Variants in RNLS observed in about 807,000 individuals in gnomAD.
RNLS encodes the protein renalase, FAD dependent amine oxidase, also known as renalase.
RNLS carries 39 observed loss-of-function variants against 39.8 expected under a neutral mutation model. The observed-to-expected ratio is 0.98, with a 90% CI of 0.76 to 1.28. The LOEUF (loss-of-function observed/expected upper bound fraction) is 1.28. Among genes scored for constraint, RNLS ranks in the 50% most tolerant of loss-of-function variants. The pLI is 0.00. For synonymous variants in RNLS, 147 were observed against 150.7 expected, an observed-to-expected ratio of 0.98 and a Z score of 0.18; for missense variants, 410 against 413.3, an observed-to-expected ratio of 0.99 and a Z score of 0.07.
intron 4 of RNLS, among the ~76,000 whole-genome samples, chr10:88,499,160 T>C (rs2077890): frequency 0.47 from 71,348 of 151,988 alleles, 17,488 homozygotes; most frequent in East Asian, 0.57. Flanking sequence ...GAGTCCATTG[T>C]TGCTCACAAA....
At chr10:88,552,372 T>G (rs1848642169) in intron 4 of RNLS, among the ~76,000 whole-genome samples, 1 of 152,156 alleles carries the variant, frequency 6.6e-6, no homozygotes. Flanking sequence ...TAGGTCTCAT[T>G]AAAGGATGGA....
chr10:88,486,049 A>G (rs551947161), intron 4 of RNLS, among the ~76,000 whole-genome samples: 2 of 152,196 alleles, frequency 1.3e-5, no homozygotes, highest in East Asian at 3.9e-4. Context: ...ACAGACTGAG[A>G]GAAAATAGTT....
the RNLS span, among the ~76,000 whole-genome samples, chr10:88,259,530 T>C: frequency 1.1e-4 from 16 of 152,196 alleles, no homozygotes; most frequent in Non-Finnish European, 2.2e-4. Context: ...TGAATGAATT[T>C]TGGCCAATCT....
chr10:88,177,853 G>A, the RNLS span, among the ~76,000 whole-genome samples: 2 of 152,190 alleles, frequency 1.3e-5, no homozygotes, highest in Admixed American at 6.5e-5. Flanking sequence ...CTGCCTCAGT[G>A]GCCTAGGCTT....
At chr10:88,291,694 T>C (rs1032575332) in intron 6 of RNLS, among the ~76,000 whole-genome samples, 6 of 152,166 alleles carry the variant, frequency 3.9e-5, no homozygotes, top group African/African-American at 1.4e-4. Context: ...GAACTAAATA[T>C]TCTTTACTGT....
chr10:88,540,990 CAAAAAAAA>C (rs34561003), intron 4 of RNLS, among the ~76,000 whole-genome samples: 1 of 131,964 alleles, frequency 7.6e-6, no homozygotes, highest in African/African-American at 2.7e-5. Context: ...TCCTTACTGC[CAAAAAAAA>C]AAAAAAAGTA....
chr10:88,579,267 A>C (rs1194173904), intron 3 of RNLS, among the ~76,000 whole-genome samples: 2 of 152,192 alleles, frequency 1.3e-5, no homozygotes, highest in African/African-American at 2.4e-5. Flanking sequence ...CTTTATGGTT[A>C]TAGGTCATGA....
intron 4 of RNLS, among the ~76,000 whole-genome samples, chr10:88,451,312 G>A (rs561306790): frequency 3.3e-5 from 5 of 152,320 alleles, no homozygotes; most frequent in African/African-American, 4.8e-5. Flanking sequence ...ACCAGAATTT[G>A]TAGTTGGGGA....
chr10:88,291,840 A>T (rs1282025123), intron 6 of RNLS, among the ~76,000 whole-genome samples: 1 of 152,064 alleles, frequency 6.6e-6, no homozygotes, highest in Non-Finnish European at 1.5e-5. Flanking sequence ...CCCAATTACA[A>T]TTCCTTCTAA....
the RNLS span, among the ~76,000 whole-genome samples, chr10:88,203,291 CGTATGTATATATATATAT>C: frequency 1.3e-3 from 2 of 1,534 alleles, 1 homozygote; most frequent in African/African-American, 5.2e-3. Flanking sequence ...TATATATATA[CGTATGTATATATATATAT>C]ATACGTATGT....
chr10:88,445,498 C>T (rs965123827), intron 4 of RNLS, among the ~76,000 whole-genome samples: 2 of 152,118 alleles, frequency 1.3e-5, no homozygotes, highest in Admixed American at 1.3e-4. Context: ...GCTAAATGCT[C>T]CAATTAAAAG....
the RNLS span, among the ~76,000 whole-genome samples, chr10:88,195,719 A>G: frequency 6.6e-6 from 1 of 152,190 alleles, no homozygotes; most frequent in African/African-American, 2.4e-5. Context: ...GCTTGCCTAA[A>G]TAGAATAGAA....
At chr10:88,567,888 A>G (rs1217036994) in intron 4 of RNLS, among the ~76,000 whole-genome samples, 2 of 152,214 alleles carry the variant, frequency 1.3e-5, no homozygotes, top group Non-Finnish European at 2.9e-5. Flanking sequence ...TAGTGGCATA[A>G]AAAGCCATTT....
At chr10:88,281,663 T>G (rs1843013764), downstream of RNLS, among the ~76,000 whole-genome samples, 1 of 152,172 alleles carries the variant, frequency 6.6e-6, no homozygotes, top group South Asian at 2.1e-4. Flanking sequence ...AGTTTTAAAT[T>G]CTTGCATCAC....
intron 4 of RNLS, among the ~76,000 whole-genome samples, chr10:88,412,223 T>C (rs572030017): frequency 2.1e-4 from 32 of 152,070 alleles, no homozygotes; most frequent in Non-Finnish European, 3.4e-4. Flanking sequence ...GTAGTGCAGA[T>C]AGAGAAAAGG....
chr10:88,418,887 A>G (rs1854205565), intron 4 of RNLS, among the ~76,000 whole-genome samples: 1 of 152,216 alleles, frequency 6.6e-6, no homozygotes, highest in South Asian at 2.1e-4. Flanking sequence ...GGTTCCAGGG[A>G]AAGAGAGTCC....
chr10:88,413,709 C>T (rs1244866301), intron 4 of RNLS, among the ~76,000 whole-genome samples: 1 of 152,184 alleles, frequency 6.6e-6, no homozygotes, highest in Admixed American at 6.5e-5. Flanking sequence ...CAGATATCTT[C>T]AGTGGTTCTT....
chr10:88,491,689 A>G (rs1367743790), intron 4 of RNLS, among the ~76,000 whole-genome samples: 1 of 152,200 alleles, frequency 6.6e-6, no homozygotes, highest in Admixed American at 6.5e-5. Context: ...AGCTTACTAT[A>G]TTATTTGTTA....
At chr10:88,200,518 T>C in the RNLS span, among the ~76,000 whole-genome samples, 3 of 152,246 alleles carry the variant, frequency 2.0e-5, no homozygotes, top group South Asian at 2.1e-4. Context: ...CTTACTGCTG[T>C]AGTGCTTTGT....
Sources: allele counts gnomAD v4.1 joint callset (sites outside exome capture counted in the v4.1 genomes callset), GRCh38; gene constraint gnomAD v4.1.1; transcripts MANE v1.5; gene names NCBI Gene and HGNC (gene_info 2026-07-23, HGNC 2026-07-21).